SYT1: variants seen among roughly 807,000 people sequenced by gnomAD.
SYT1 encodes the protein synaptotagmin-1.
SYT1 carries 8 observed loss-of-function variants against 44.8 expected under a neutral mutation model. The observed-to-expected ratio is 0.18, with a 90% CI of 0.10 to 0.32. SYT1 has a LOEUF of 0.32. Among genes scored for constraint, SYT1 ranks in the 10% least tolerant of loss-of-function variants. The pLI is 1.00. For synonymous variants in SYT1, 154 were observed against 188.8 expected, an observed-to-expected ratio of 0.82 and a Z score of 1.51; for missense variants, 286 against 509.3, an observed-to-expected ratio of 0.56 and a Z score of 4.22.
intron 4 of SYT1, among the ~76,000 whole-genome samples, chr12:79,267,520 A>G (rs1408970265): frequency 6.7e-6 from 1 of 149,694 alleles, no homozygotes; most frequent in Non-Finnish European, 1.5e-5. Context: ...TTGACAAAAG[A>G]AAAAAAAGAC....
rs1565697808 is a variant in SYT1 at position 78,876,866 on chromosome 12, A to ATATGTAATACATATAAT, written c.-217+11757_-217+11758insTATGTAATACATATAAT. 1.2e-3 allele frequency among the ~76,000 whole-genome samples: 15 copies of ATATGTAATACATATAAT among 12,880 alleles called. No individual in the cohort carries two copies. The South Asian group carries it at 0.026, about 22-fold the overall frequency. 8.4% of individuals were successfully genotyped at this position (12,880 alleles called of 152,430 possible). A position where few individuals can be genotyped will look rare whatever the true frequency, so the allele number is the denominator to read the frequency against. On this transcript the variant is annotated intron_variant, in intron 1 of 10. Coordinates refer to ENST00000261205, the MANE Select transcript of SYT1 (RefSeq NM_005639.3). ...AATATATATTATATATAATATATAT[A>ATATGTAATACATATAAT]ATATATTATATGTATTATATATAAT... is the stretch of plus-strand genomic sequence containing the variant.
At chr12:78,995,277 C>G (rs559594600) in intron 2 of SYT1, among the ~76,000 whole-genome samples, 3 of 152,284 alleles carry the variant, frequency 2.0e-5, no homozygotes, top group South Asian at 2.1e-4. Flanking sequence ...AGGCTAAAAG[C>G]AAGTGTCTAT....
At chr12:78,864,754 C>A (rs925049579), upstream of SYT1, 3 of 153,310 alleles carry the variant, frequency 2.0e-5, no homozygotes, top group Non-Finnish European at 4.3e-5. Flanking sequence ...TGGGGATGCT[C>A]TAGACCGAGT....
At chr12:79,102,847 C>T (rs1040087611) in intron 3 of SYT1, among the ~76,000 whole-genome samples, 1 of 152,122 alleles carries the variant, frequency 6.6e-6, no homozygotes, top group Non-Finnish European at 1.5e-5. Flanking sequence ...AGATAATATC[C>T]TGATTTTAGG....
chr12:79,058,391 G>GA, intron 3 of SYT1, among the ~76,000 whole-genome samples: 1 of 152,142 alleles, frequency 6.6e-6, no homozygotes, highest in South Asian at 2.1e-4. Flanking sequence ...CCCAATATGT[G>GA]AAAAATAACT....
intron 8 of SYT1, among the ~76,000 whole-genome samples, chr12:79,308,877 T>C (rs180890748): frequency 6.6e-6 from 1 of 152,332 alleles, no homozygotes; most frequent in Admixed American, 6.5e-5. Context: ...TTGGAAACTG[T>C]AAGCCTGGAA....
chr12:78,978,310 C>G (rs1023280332), intron 2 of SYT1, among the ~76,000 whole-genome samples: 1 of 152,104 alleles, frequency 6.6e-6, no homozygotes, highest in African/African-American at 2.4e-5. Context: ...TGGCATCTGC[C>G]TCTGTGCTTT....
At chr12:79,216,586 G>A (rs1031182453) in intron 3 of SYT1, among the ~76,000 whole-genome samples, 1 of 152,182 alleles carries the variant, frequency 6.6e-6, no homozygotes, top group African/African-American at 2.4e-5. Context: ...AAATTAGGAT[G>A]TCAAATGCCC....
At chr12:79,251,100 A>C (rs2138692766) in intron 4 of SYT1, among the ~76,000 whole-genome samples, 1 of 152,304 alleles carries the variant, frequency 6.6e-6, no homozygotes, top group Non-Finnish European at 1.5e-5. Flanking sequence ...TTGTCACAAT[A>C]GTCTCAAGTC....
At chr12:79,172,884 T>C (rs1025432568) in intron 3 of SYT1, among the ~76,000 whole-genome samples, 6 of 147,270 alleles carry the variant, frequency 4.1e-5, no homozygotes, top group African/African-American at 1.5e-4. Context: ...TAGATGCCTT[T>C]CTCACATTGG....
At chr12:78,873,539 G>A (rs890952184) in intron 1 of SYT1, among the ~76,000 whole-genome samples, 26 of 151,608 alleles carry the variant, frequency 1.7e-4, no homozygotes, top group African/African-American at 6.3e-4. Flanking sequence ...TGTGATGTTA[G>A]ATAAGTCACC....
chr12:79,286,042 T>C (rs984141091), intron 5 of SYT1, 71 bp downstream of exon 5: 3 of 1,488,798 alleles, frequency 2.0e-6, no homozygotes, highest in African/African-American at 1.4e-5. Flanking sequence ...TTTTATGCCA[T>C]ATAATTACAG....
chr12:79,137,742 G>C (rs1470740437), intron 3 of SYT1, among the ~76,000 whole-genome samples: 2 of 152,130 alleles, frequency 1.3e-5, no homozygotes, highest in Non-Finnish European at 2.9e-5. Context: ...AATAGAATTT[G>C]ATTTAGCTGT....
At chr12:79,007,573 G>T (rs1226187853) in intron 2 of SYT1, among the ~76,000 whole-genome samples, 1 of 152,068 alleles carries the variant, frequency 6.6e-6, no homozygotes, top group Non-Finnish European at 1.5e-5. Flanking sequence ...CAAATATCTA[G>T]AATTTACTTT....
At position 79,122,500 on chromosome 12, in the gene SYT1, C is replaced by T. The variant is rs1217534915; in HGVS notation, c.-18+75138C>T. On this transcript the variant is annotated intron_variant, in intron 3 of 10. Transcript: ENST00000261205. The stretch of plus-strand genomic sequence containing the variant: ...CTGCACTCCAGCCTGGGCGACAGAG[C>T]GAGACTCCGTCTCAAAAAAAAAAAA... Among the ~76,000 whole-genome samples the T allele has an allele frequency of 4.1e-5, 4 of 97,278 alleles. No individual in the cohort carries two copies. In the East Asian group the frequency reaches 1.4e-3, roughly 35 times the overall value. 63.8% of individuals were successfully genotyped at this position (97,278 alleles called of 152,430 possible).
chr12:79,251,619 T>G (rs977046540), intron 4 of SYT1, among the ~76,000 whole-genome samples: 2 of 152,142 alleles, frequency 1.3e-5, no homozygotes, highest in African/African-American at 4.8e-5. Flanking sequence ...GTTTATAACT[T>G]CTATTTATAG....
In SYT1 at chr12:79,181,211, C is replaced by T. The variant is rs1872519726; in HGVS notation, c.-17-36292C>T. 3.3e-5 allele frequency among the ~76,000 whole-genome samples: 5 copies of T among 151,968 alleles called. No individual in the cohort carries two copies. In the South Asian group the frequency reaches 1.0e-3, roughly 32 times the overall value. ...CCATTGTAATCCATTGTAAACTAATCCACGTTTACAATTGAACGTGAGATT... is the reference window on the plus strand; with the variant it reads ...CCATTGTAATCCATTGTAAACTAATTCACGTTTACAATTGAACGTGAGATT... On this transcript the variant is annotated intron_variant, in intron 3 of 10. Coordinates refer to ENST00000261205, the MANE Select transcript of SYT1 (RefSeq NM_005639.3).
chr12:79,425,029 T>A (rs569677905), intron 9 of SYT1, among the ~76,000 whole-genome samples: 29 of 151,608 alleles, frequency 1.9e-4, no homozygotes, highest in Non-Finnish European at 1.5e-5. Context: ...ACCTTTATTA[T>A]GTTCATAGAA....
intron 4 of SYT1, among the ~76,000 whole-genome samples, chr12:79,281,318 T>A (rs571109349): frequency 6.6e-6 from 1 of 152,046 alleles, no homozygotes; most frequent in Non-Finnish European, 1.5e-5. Context: ...TAGATAGATA[T>A]AGATAGATAG....
Sources: gnomAD v4.1 joint callset for allele counts (sites outside exome capture counted in the v4.1 genomes callset) on GRCh38, gnomAD v4.1.1 for gene constraint, MANE v1.5 for transcripts, NCBI Gene and HGNC (gene_info 2026-07-23, HGNC 2026-07-21) for gene names.